HIVEP2: variants seen among roughly 807,000 people sequenced by gnomAD.
The protein encoded by HIVEP2 is transcription factor HIVEP2.
A neutral mutation model predicts 180.7 loss-of-function variants in HIVEP2; 14 were observed. The observed-to-expected ratio is 0.08, with a 90% CI of 0.05 to 0.12. The LOEUF is 0.12. HIVEP2 is among the 10% of genes least tolerant of loss of function. HIVEP2 has a pLI of 1.00. For synonymous variants in HIVEP2, 1,184 were observed against 1,136.4 expected, an observed-to-expected ratio of 1.04 and a Z score of -0.84; for missense variants, 2,579 against 3,008.5, an observed-to-expected ratio of 0.86 and a Z score of 3.34.
chr6:142,885,771 C>T (rs1776681473), intron 1 of HIVEP2, among the ~76,000 whole-genome samples: 1 of 152,088 alleles, frequency 6.6e-6, no homozygotes, highest in African/African-American at 2.4e-5. Flanking sequence ...AAATAAGCTC[C>T]CACAATAACA....
intron 1 of HIVEP2, among the ~76,000 whole-genome samples, chr6:142,869,492 A>G (rs1776235024): frequency 6.6e-6 from 1 of 152,158 alleles, no homozygotes; most frequent in Admixed American, 6.5e-5. Flanking sequence ...TTACACATTA[A>G]TGTGTGTGAA....
intron 2 of HIVEP2, among the ~76,000 whole-genome samples, chr6:142,834,733 T>C (rs557351168): frequency 6.6e-6 from 1 of 152,286 alleles, no homozygotes; most frequent in East Asian, 1.9e-4. Flanking sequence ...TGGATGAGAA[T>C]GTTCCTTTCT....
At position 142,756,531 on chromosome 6, in the gene HIVEP2, C is replaced by A. The variant is rs562981309; in HGVS notation, c.6517-2600G>T. ...AGAGGTTAAGTGACTCGCCCAAGAT[C>A]ACACAGATAACAAGGGATAGGAATG... On this transcript the variant is annotated intron_variant, in intron 9 of 9. Coordinates refer to ENST00000367603, the MANE Select transcript of HIVEP2 (RefSeq NM_006734.4). Among the ~76,000 whole-genome samples, 3 of 152,266 alleles carry A rather than the reference C, an allele frequency of 2.0e-5. 1 individual carries two copies. The South Asian group carries it at 6.2e-4, about 32-fold the overall frequency.
Position 142,760,120 on chromosome 6 carries a change from T to A in HIVEP2, c.6168A>T (p.Arg2056=), listed in dbSNP as rs773299128. The change falls in exon 9 of 10, where the codon CGA becomes CGT. Residue 2056 remains arginine (R), a synonymous_variant. Coordinates refer to ENST00000367603, the MANE Select transcript of HIVEP2 (RefSeq NM_006734.4). ...SSPGYDSSPC[R]DNSPKRYLIP... Reference sequence around the variant, plus strand: ...TCAGATACCTCTTTGGTGAATTATCTCGACAGGGTGAAGAATCATATCCTG... The same window carrying A: ...TCAGATACCTCTTTGGTGAATTATCACGACAGGGTGAAGAATCATATCCTG... 6.2e-7 allele frequency: 1 copy of A among 1,614,198 alleles called. No homozygotes were observed. Among genetic ancestry groups the A allele is most frequent in the South Asian group, 1.1e-5 (1 of 91,086 alleles).
chr6:142,892,931 T>C lies in HIVEP2; in HGVS notation c.-641+52168A>G, dbSNP rs181785523. Among the ~76,000 whole-genome samples the C allele has an allele frequency of 3.2e-3, 484 of 152,242 alleles. 2 individuals carry two copies. The highest frequency in any genetic ancestry group is 4.6e-3 in the Non-Finnish European group (313 of 67,990). On this transcript the variant is annotated intron_variant, in intron 1 of 9. Coordinates refer to ENST00000367603, the MANE Select transcript of HIVEP2 (RefSeq NM_006734.4). ...CATTCCATCGTACCAAAAAGGAAAG[T>C]GGAGCTCGGCGAGGCTTCGTAACAT... is the stretch of plus-strand genomic sequence containing the variant.
In HIVEP2 at chr6:142,772,784, T is replaced by G. The variant is rs766694012; in HGVS notation, c.1955A>C (p.Glu652Ala). Residue 652 changes from glutamate (E) to alanine (A), a missense_variant, in exon 5 of 10, where the codon GAA (glutamate) becomes GCA (alanine). By Grantham distance (107) the Glu-to-Ala change is moderately radical. Coordinates refer to ENST00000367603, the MANE Select transcript of HIVEP2 (RefSeq NM_006734.4). This position sits in a 1 kb window ranked among gnomAD's most constrained non-coding sequence, Gnocchi z 4.9. The part of the protein sequence containing the change: ...RKPYKKWEDS[E>A]TPKQNYRDIS... ...GTCCCTGTAGTTTTGCTTTGGTGTT[T>G]CAGAGTCCTCCCACTTCTTATAGGG... The G allele has an allele frequency of 6.2e-7, 1 of 1,614,196 alleles. No homozygotes were observed. Among genetic ancestry groups the G allele is most frequent in the Admixed American group, 1.7e-5 (1 of 60,030 alleles).
rs1194986196 is a variant in HIVEP2 at position 142,771,451 on chromosome 6, C to T, written c.3288G>A (p.Glu1096=). The change falls in exon 5 of 10, where the codon GAG becomes GAA. Residue 1096 remains glutamate (E), a synonymous_variant. Transcript: ENST00000367603. The surrounding 1 kb of genome is among the most constrained non-coding windows in gnomAD (Gnocchi z 5.4). ...GCTTCACGCTCTGATCCATGCCAAC[C>T]TCGCCCTGGGAGATTTCTGGGGAGC... ...FSGSPEISQG[E]VGMDQSVKQE... 7 of 1,613,488 alleles carry T rather than the reference C, an allele frequency of 4.3e-6. No individual in the cohort carries two copies. Among genetic ancestry groups the T allele is most frequent in the Admixed American group, 1.7e-5 (1 of 60,008 alleles).
chr6:142,762,477 CACACACACACACACACAT>C (rs1775272014), intron 7 of HIVEP2, among the ~76,000 whole-genome samples: 1 of 147,506 alleles, frequency 6.8e-6, no homozygotes, highest in African/African-American at 2.5e-5. Context: ...CACACACACA[CACACACACACACACACAT>C]ACATATAAAT....
chr6:142,873,401 A>C (rs184854108), intron 1 of HIVEP2, among the ~76,000 whole-genome samples: 1 of 152,324 alleles, frequency 6.6e-6, no homozygotes, highest in East Asian at 1.9e-4. Flanking sequence ...ACTGAGAATT[A>C]ATCCAATCAC....
chr6:142,784,019 T>C (rs540977503), intron 2 of HIVEP2, among the ~76,000 whole-genome samples: 16 of 152,326 alleles, frequency 1.1e-4, no homozygotes, highest in African/African-American at 3.6e-4. Context: ...GTTTCTATAG[T>C]TTATTTCAGC....
rs1413236633 is a variant in HIVEP2, at chr6:142,760,333, T to C, written c.5955A>G (p.Thr1985=). ...LPSIRVTQLM[T]PSDSCEDTQM... ...GGGTATCTTCACATGAATCACTGGG[T>C]GTCATAAGCTGAGTAACTCGAATAC... The change falls in exon 9 of 10, where the codon ACA becomes ACG. Residue 1985 remains threonine, a synonymous_variant. Coordinates refer to ENST00000367603, the MANE Select transcript of HIVEP2 (RefSeq NM_006734.4). The C allele has an allele frequency of 3.1e-6, 5 of 1,614,054 alleles. No individual in the cohort carries two copies. The highest frequency in any genetic ancestry group is 4.2e-6 in the Non-Finnish European group (5 of 1,180,004).
intron 1 of HIVEP2, among the ~76,000 whole-genome samples, chr6:142,867,366 A>G (rs1476192046): frequency 6.6e-6 from 1 of 152,178 alleles, no homozygotes; most frequent in Non-Finnish European, 1.5e-5. Context: ...TGTATTAACT[A>G]TCAGTGGTAT....
chr6:142,811,269 G>A (rs1199998561), intron 2 of HIVEP2, among the ~76,000 whole-genome samples: 1 of 152,138 alleles, frequency 6.6e-6, no homozygotes, highest in East Asian at 1.9e-4. Flanking sequence ...ACCATGGAAT[G>A]ACCTCAGAGC....
intron 7 of HIVEP2, among the ~76,000 whole-genome samples, chr6:142,764,594 G>T (rs73586510): frequency 0.037 from 5,618 of 152,236 alleles, 354 homozygotes; most frequent in African/African-American, 0.13. Flanking sequence ...TATGTCTACT[G>T]CTCTTAATTA....
chr6:142,765,074 G>A, intron 6 of HIVEP2, 100 bp from the exon 7 acceptor site: 1 of 1,050,012 alleles, frequency 9.5e-7, no homozygotes, highest in Non-Finnish European at 1.4e-6. Context: ...TTTTATGAGG[G>A]TCTTTTGCAG....
At chr6:142,863,897 G>A (rs1476255516) in intron 1 of HIVEP2, among the ~76,000 whole-genome samples, 2 of 152,142 alleles carry the variant, frequency 1.3e-5, no homozygotes, top group Non-Finnish European at 2.9e-5. Context: ...ACACTTATAA[G>A]CAAAATCTTT....
intron 5 of HIVEP2, 100 bp from the exon 6 acceptor site, chr6:142,768,636 C>T: frequency 3.2e-6 from 4 of 1,236,560 alleles, no homozygotes; most frequent in Middle Eastern, 1.9e-4. Context: ...AGCCTAAATT[C>T]TGTACTAAAA....
intron 2 of HIVEP2, among the ~76,000 whole-genome samples, chr6:142,805,833 A>G (rs899691253): frequency 6.6e-6 from 1 of 152,140 alleles, no homozygotes; most frequent in Non-Finnish European, 1.5e-5. Context: ...TAAAAGCCTT[A>G]CCTTTCATTA....
intron 1 of HIVEP2, among the ~76,000 whole-genome samples, chr6:142,935,181 T>C (rs1012788917): frequency 2.6e-5 from 4 of 152,214 alleles, no homozygotes; most frequent in Non-Finnish European, 5.9e-5. Context: ...ATGTTTGGGA[T>C]TGCTGGATGG....
Sources: allele counts gnomAD v4.1 joint callset (sites outside exome capture counted in the v4.1 genomes callset), GRCh38; gene constraint gnomAD v4.1.1; non-coding constraint Gnocchi (gnomAD v3.1); transcripts MANE v1.5; gene names NCBI Gene and HGNC (gene_info 2026-07-23, HGNC 2026-07-21).